STOML3: variants seen among roughly 807,000 people sequenced by gnomAD.
STOML3 encodes the protein stomatin-like protein 3.
A neutral mutation model predicts 29.5 loss-of-function variants in STOML3; 31 were observed. That is an observed-to-expected ratio of 1.05 (90% CI 0.79 to 1.42). The LOEUF (loss-of-function observed/expected upper bound fraction) is 1.42. STOML3 is among the 40% of genes most tolerant of loss of function. The pLI is 0.00. For synonymous variants in STOML3, 122 were observed against 139.8 expected, an observed-to-expected ratio of 0.87 and a Z score of 0.90; for missense variants, 380 against 363.0, an observed-to-expected ratio of 1.05 and a Z score of -0.38.
intron 1 of STOML3, among the ~76,000 whole-genome samples, chr13:38,988,444 T>TGA (rs1566211894): frequency 4.1e-5 from 2 of 48,598 alleles, no homozygotes; most frequent in African/African-American, 1.7e-4. Flanking sequence ...ATAAAATATA[T>TGA]TATATTTTAT....
In STOML3 at chr13:38,983,691, T is replaced by C. The variant is rs950033241; in HGVS notation, c.53-6894A>G. On this transcript the variant is annotated intron_variant, in intron 1 of 6. Coordinates refer to ENST00000379631, the MANE Select transcript of STOML3 (RefSeq NM_145286.3). Reference sequence around the variant, plus strand: ...TTAGAGCTGGATGATGATCTTATTATCTACGCTAGTCCTATGAATACAAAA... The same window carrying C: ...TTAGAGCTGGATGATGATCTTATTACCTACGCTAGTCCTATGAATACAAAA... Among the ~76,000 whole-genome samples, 4 of 152,160 alleles carry C rather than the reference T, an allele frequency of 2.6e-5. No individual in the cohort carries two copies. The East Asian group carries it at 7.7e-4, about 29-fold the overall frequency.
chr13:38,989,182 C>T (rs750017353), intron 1 of STOML3, among the ~76,000 whole-genome samples: 10 of 151,724 alleles, frequency 6.6e-5, no homozygotes, highest in Non-Finnish European at 1.2e-4. Context: ...AATATATCAG[C>T]CCCATTTTGT....
intron 3 of STOML3, among the ~76,000 whole-genome samples, chr13:38,973,096 TA>T (rs71074495): frequency 0.088 from 2,869 of 32,582 alleles, 161 homozygotes; most frequent in South Asian, 0.17. Flanking sequence ...CCGTCTCTAC[TA>T]AAAAAAAAAA....
At chr13:38,990,016 T>C (rs1868936977) in intron 1 of STOML3, among the ~76,000 whole-genome samples, 1 of 152,078 alleles carries the variant, frequency 6.6e-6, no homozygotes, top group Non-Finnish European at 1.5e-5. Context: ...ATTTGTAAAA[T>C]GAGATTCTAA....
At chr13:38,979,967 C>G in intron 1 of STOML3, 1 of 1,383,130 alleles carries the variant, frequency 7.2e-7, no homozygotes, top group Non-Finnish European at 1.0e-6. Flanking sequence ...ATGCCTGGAG[C>G]CAAGCCCTGG....
Position 38,990,704 on chromosome 13 carries a change from A to C in STOML3, c.18T>G (p.Ser6=). MDSRV[S]SPEKQDKENF... ...TCTCTTTATCTTGCTTCTCAGGTGA[A>C]GACACCCTAGAATCCATCTCATTCT... is the stretch of plus-strand genomic sequence containing the variant. The change falls in exon 1 of 7, where the codon TCT becomes TCG. Residue 6 remains serine, a synonymous_variant. Transcript: ENST00000379631. 2 of 1,613,996 alleles carry C rather than the reference A, an allele frequency of 1.2e-6. No homozygotes were observed. The highest frequency in any genetic ancestry group is 8.5e-7 in the Non-Finnish European group (1 of 1,179,932).
chr13:38,969,442 T>TG (rs1880780293), intron 5 of STOML3, among the ~76,000 whole-genome samples: 1 of 152,146 alleles, frequency 6.6e-6, no homozygotes, highest in South Asian at 2.1e-4. Context: ...GTTAAATTCG[T>TG]GGGGCACATA....
At chr13:38,975,254 G>C (rs1235192998) in intron 3 of STOML3, among the ~76,000 whole-genome samples, 2 of 151,492 alleles carry the variant, frequency 1.3e-5, no homozygotes, top group Admixed American at 6.6e-5. Flanking sequence ...CTGGAAGGCA[G>C]AGGTTGCAGT....
At chr13:38,967,078 A>G in intron 6 of STOML3, 29 bp from the exon 7 acceptor site, 1 of 1,598,964 alleles carries the variant, frequency 6.3e-7, no homozygotes, top group Non-Finnish European at 8.5e-7. Flanking sequence ...AATCGTTCAG[A>G]AATAAAAGTT....
chr13:38,971,069 G>A (rs1004469134), intron 4 of STOML3, among the ~76,000 whole-genome samples: 3 of 151,204 alleles, frequency 2.0e-5, no homozygotes, highest in African/African-American at 7.4e-5. Context: ...GTTTGGCTCC[G>A]TCACCCAGGC....
intron 1 of STOML3, among the ~76,000 whole-genome samples, chr13:38,979,041 T>C (rs1410132731): frequency 6.6e-6 from 1 of 152,246 alleles, no homozygotes; most frequent in African/African-American, 2.4e-5. Flanking sequence ...CAGTCGTTAC[T>C]TTCTGATAGG....
intron 6 of STOML3, 85 bp from the exon 7 acceptor site, chr13:38,967,134 C>G: frequency 8.1e-7 from 1 of 1,234,242 alleles, no homozygotes; most frequent in Non-Finnish European, 1.1e-6. Context: ...TATTGATACC[C>G]CTCTCCCCAG....
chr13:38,988,173 T>TCA (rs1868722120), intron 1 of STOML3, among the ~76,000 whole-genome samples: 4 of 92,322 alleles, frequency 4.3e-5, no homozygotes, highest in African/African-American at 2.0e-4. Context: ...ATATAATATA[T>TCA]TATATTTTAT....
intron 1 of STOML3, among the ~76,000 whole-genome samples, chr13:38,978,230 T>G (rs1254834928): frequency 6.6e-6 from 1 of 152,144 alleles, no homozygotes; most frequent in African/African-American, 2.4e-5. Flanking sequence ...CTCGGCTCAC[T>G]GCAACTTCCA....
intron 1 of STOML3, among the ~76,000 whole-genome samples, chr13:38,987,873 T>C (rs1238487294): frequency 2.6e-5 from 2 of 75,512 alleles, no homozygotes; most frequent in Admixed American, 4.3e-4. Context: ...ATATATAATA[T>C]ATTATATTTT....
intron 6 of STOML3, among the ~76,000 whole-genome samples, chr13:38,967,381 A>G (rs868725487): frequency 6.6e-6 from 1 of 152,224 alleles, no homozygotes; most frequent in Non-Finnish European, 1.5e-5. Flanking sequence ...TACTTGCTGC[A>G]TTCATTTCCA....
At chr13:38,987,459 T>C (rs562206097) in intron 1 of STOML3, among the ~76,000 whole-genome samples, 9 of 151,712 alleles carry the variant, frequency 5.9e-5, no homozygotes, top group Non-Finnish European at 1.2e-4. Flanking sequence ...ACCACTCCAC[T>C]CTAGCCTGGG....
intron 3 of STOML3, among the ~76,000 whole-genome samples, chr13:38,975,046 G>A (rs1244434059): frequency 6.6e-6 from 1 of 151,928 alleles, no homozygotes; most frequent in Admixed American, 6.6e-5. Flanking sequence ...ACTTGAAATG[G>A]CTGCTGGGCG....
At chr13:38,973,094 ACT>A (rs1484029725) in intron 3 of STOML3, among the ~76,000 whole-genome samples, 1 of 87,630 alleles carries the variant, frequency 1.1e-5, no homozygotes, top group African/African-American at 4.7e-5. Flanking sequence ...CCCCGTCTCT[ACT>A]AAAAAAAAAA....
Sources: gnomAD v4.1 joint callset for allele counts (sites outside exome capture counted in the v4.1 genomes callset) on GRCh38, gnomAD v4.1.1 for gene constraint, MANE v1.5 for transcripts, NCBI Gene and HGNC (gene_info 2026-07-23, HGNC 2026-07-21) for gene names.